The following LIMD1 variants were observed in gnomAD, a reference collection of about 807,000 sequenced individuals.
The protein encoded by LIMD1 is LIM domain-containing protein 1.
In LIMD1, 23 loss-of-function variants were observed where a neutral mutation model predicts 58.4. The ratio of observed to expected loss-of-function variants is 0.39; its 90% CI spans 0.28 to 0.56. The LOEUF is 0.56. Ranked by LOEUF, LIMD1 falls within the 20% of genes least tolerant of loss-of-function variation. The pLI, the probability that LIMD1 is intolerant of heterozygous loss-of-function variation, is 0.57. For synonymous variants in LIMD1, 334 were observed against 345.5 expected (o/e 0.97, Z 0.37); for missense variants, 838 against 855.5 (o/e 0.98, Z 0.25).
chr3:45,658,962 A>T (rs1366073801), intron 2 of LIMD1, among the ~76,000 whole-genome samples: 2 of 152,108 alleles, frequency 1.3e-5, no homozygotes, highest in Admixed American at 1.3e-4. Context: ...TGAGATGCAC[A>T]ATTTTTAAAT....
chr3:45,603,994 CA>C (rs3836515), intron 1 of LIMD1, among the ~76,000 whole-genome samples: 35,178 of 152,168 alleles, frequency 0.23, 4,283 homozygotes, highest in East Asian at 0.36. Context: ...CAGTCACCAC[CA>C]AGTGTCCAAG....
chr3:45,611,567 C>T (rs1701522296), intron 1 of LIMD1, among the ~76,000 whole-genome samples: 1 of 152,204 alleles, frequency 6.6e-6, no homozygotes, highest in Non-Finnish European at 1.5e-5. Flanking sequence ...TGGGATTTGG[C>T]TCATCAGGGG....
chr3:45,648,325 T>G (rs1252860976), intron 2 of LIMD1, among the ~76,000 whole-genome samples: 1 of 152,258 alleles, frequency 6.6e-6, no homozygotes, highest in Non-Finnish European at 1.5e-5. Flanking sequence ...ATATTTCATA[T>G]GAATGAAATC....
At chr3:45,666,506 G>A (rs527788722) in intron 3 of LIMD1, among the ~76,000 whole-genome samples, 1 of 152,200 alleles carries the variant, frequency 6.6e-6, no homozygotes, top group Non-Finnish European at 1.5e-5. Flanking sequence ...CCACACCTAT[G>A]CAACCTCATG....
intron 4 of LIMD1, among the ~76,000 whole-genome samples, chr3:45,670,966 C>T (rs1283025534): frequency 6.6e-6 from 1 of 152,212 alleles, no homozygotes; most frequent in South Asian, 2.1e-4. Context: ...AAAAGTATTA[C>T]AGCTAGTCAC....
intron 2 of LIMD1, among the ~76,000 whole-genome samples, chr3:45,650,558 A>T (rs935474111): frequency 1.4e-4 from 18 of 128,678 alleles, no homozygotes; most frequent in African/African-American, 5.1e-4. Flanking sequence ...TGATTGTTCA[A>T]CTCCCACTTA....
intron 7 of LIMD1, among the ~76,000 whole-genome samples, chr3:45,675,606 G>A (rs1032005405): frequency 3.2e-5 from 3 of 93,232 alleles, no homozygotes; most frequent in Non-Finnish European, 6.0e-5. Context: ...CAATTAAAAC[G>A]TTAAAGAATT....
At position 45,595,628 on chromosome 3, in the gene LIMD1, G is replaced by T. The variant is rs751728725; in HGVS notation, c.749G>T (p.Gly250Val). Residue 250 changes from glycine (G) to valine (V), a missense_variant, in exon 1 of 8, where the codon GGC becomes GTC. Transcript: ENST00000273317. ...GGTAGCCTCGGTGGTCAGAATAGTG[G>T]CATTGGTGGCCGCAGCAGCGAGAAG... ...SEGSLGGQNSGIGGRSSEKPT... is the reference protein window; with the variant it reads ...SEGSLGGQNSVIGGRSSEKPT... 6.2e-7 allele frequency: 1 copy of T among 1,613,336 alleles called. No individual in the cohort carries two copies. Among genetic ancestry groups the T allele is most frequent in the African/African-American group, 1.3e-5 (1 of 74,658 alleles).
intron 1 of LIMD1, among the ~76,000 whole-genome samples, chr3:45,619,496 A>G (rs1158901662): frequency 6.6e-6 from 1 of 152,174 alleles, no homozygotes; most frequent in African/African-American, 2.4e-5. Flanking sequence ...ATTTGTTGCT[A>G]TGCTTAAATT....
chr3:45,626,358 C>G (rs1243587532), intron 1 of LIMD1, among the ~76,000 whole-genome samples: 1 of 151,948 alleles, frequency 6.6e-6, no homozygotes, highest in Non-Finnish European at 1.5e-5. Context: ...ATGACTGCAT[C>G]AATAAATGGT....
chr3:45,633,794 TGTGGG>T (rs1701760052), intron 1 of LIMD1, among the ~76,000 whole-genome samples: 1 of 152,172 alleles, frequency 6.6e-6, no homozygotes, highest in Non-Finnish European at 1.5e-5. Flanking sequence ...AACCTGTTGG[TGTGGG>T]GGAATTTCAT....
At chr3:45,637,697 A>G (rs1701802726) in intron 2 of LIMD1, among the ~76,000 whole-genome samples, 1 of 152,222 alleles carries the variant, frequency 6.6e-6, no homozygotes, top group Non-Finnish European at 1.5e-5. Context: ...GAAGGGGAAG[A>G]ACTTGCTCAC....
At position 45,669,136 on chromosome 3, in the gene LIMD1, T is replaced by A. The variant is rs115737247; in HGVS notation, c.1641+780T>A. 7.1e-3 allele frequency among the ~76,000 whole-genome samples: 1,077 copies of A among 152,368 alleles called. 3 individuals carry two copies. Among genetic ancestry groups the A allele is most frequent in the Non-Finnish European group, 0.013 (874 of 68,034 alleles). On this transcript the variant is annotated intron_variant, in intron 4 of 7. Coordinates refer to ENST00000273317, the MANE Select transcript of LIMD1 (RefSeq NM_014240.3). ...ACAGCAGAGCAAGGACCAGGTTTTA[T>A]ACATTCCATTCTTTGCTCAGTCACT...
At position 45,677,146 on chromosome 3, in the gene LIMD1, G is replaced by A. The variant is rs765568476; in HGVS notation, c.*87G>A. ...CGGTGGCCCCTGGGGTGGAAGTGGGGTAGGGGAAGAGGAGGGGCAGGAGGG... is the reference window on the plus strand; with the variant it reads ...CGGTGGCCCCTGGGGTGGAAGTGGGATAGGGGAAGAGGAGGGGCAGGAGGG... On this transcript the variant is annotated 3_prime_UTR_variant, in exon 8 of 8. Coordinates refer to ENST00000273317, the MANE Select transcript of LIMD1 (RefSeq NM_014240.3). The A allele has an allele frequency of 2.1e-5, 31 of 1,497,860 alleles. No individual in the cohort carries two copies. The highest frequency in any genetic ancestry group is 2.4e-5 in the Non-Finnish European group (26 of 1,096,784). 92.8% of individuals were successfully genotyped at this position (1,497,860 alleles called of 1,614,324 possible).
intron 1 of LIMD1, among the ~76,000 whole-genome samples, chr3:45,632,955 C>G (rs1701750644): frequency 1.3e-5 from 2 of 152,232 alleles, no homozygotes; most frequent in Non-Finnish European, 2.9e-5. Flanking sequence ...TTATGCTTTG[C>G]TGCTAGGTGG....
At chr3:45,612,194 C>T (rs1236481541) in intron 1 of LIMD1, among the ~76,000 whole-genome samples, 6 of 152,082 alleles carry the variant, frequency 3.9e-5, no homozygotes, top group Admixed American at 1.3e-4. Context: ...AAGCAATCCT[C>T]CCATCCCAGC....
chr3:45,633,095 G>C (rs557093602), intron 1 of LIMD1, among the ~76,000 whole-genome samples: 1 of 152,294 alleles, frequency 6.6e-6, no homozygotes, highest in South Asian at 2.1e-4. Flanking sequence ...TGATGCCTCT[G>C]AATTACTTGA....
rs1701809757 is a variant in LIMD1, at chr3:45,638,340, T to TA, written c.1510+2090dup. 2.0e-5 allele frequency among the ~76,000 whole-genome samples: 3 copies of TA among 152,360 alleles called. No homozygotes were observed. The South Asian group carries it at 6.2e-4, about 32-fold the overall frequency. ...TTAGATTCAAGACGTGCAGGTTTGT[T>TA]ACAAAGGTATATTGTGTGAATCTGA... is the stretch of plus-strand genomic sequence containing the variant. On this transcript the variant is annotated intron_variant, in intron 2 of 7. Coordinates refer to ENST00000273317, the MANE Select transcript of LIMD1 (RefSeq NM_014240.3).
chr3:45,617,593 T>G (rs1034792222), intron 1 of LIMD1, among the ~76,000 whole-genome samples: 4 of 152,182 alleles, frequency 2.6e-5, no homozygotes, highest in African/African-American at 9.6e-5. Flanking sequence ...TGCCCGCCAA[T>G]TTTCTCTCCT....
Sources: gnomAD v4.1 joint callset for allele counts (sites outside exome capture counted in the v4.1 genomes callset) on GRCh38, gnomAD v4.1.1 for gene constraint, MANE v1.5 for transcripts, NCBI Gene and HGNC (gene_info 2026-07-23, HGNC 2026-07-21) for gene names.